The following NSMCE2 variants were observed in gnomAD, a reference collection of about 807,000 sequenced individuals.
The protein encoded by NSMCE2 is E3 SUMO-protein ligase NSE2.
In NSMCE2, 24 loss-of-function variants were observed where a neutral mutation model predicts 23.8. That is an observed-to-expected ratio of 1.01 (90% CI 0.73 to 1.42). NSMCE2 has a LOEUF of 1.42. Among genes scored for constraint, NSMCE2 ranks in the 40% most tolerant of loss-of-function variants. The probability of loss-of-function intolerance (pLI) is 0.00; values close to 1 mark genes in which losing one functional copy is unlikely to be tolerated. For missense variants in NSMCE2, 284 were observed against 296.5 expected (o/e 0.96, Z 0.31); for synonymous variants, 92 against 94.1 (o/e 0.98, Z 0.13).
At chr8:125,151,355 C>A in intron 4 of NSMCE2, 78 bp downstream of exon 4, 1 of 688,232 alleles carries the variant, frequency 1.5e-6, no homozygotes, top group Non-Finnish European at 2.6e-6. Flanking sequence ...AATCAAAATT[C>A]TTCTCTAATC....
chr8:125,160,151 T>C (rs150808634), intron 4 of NSMCE2, among the ~76,000 whole-genome samples: 19 of 152,288 alleles, frequency 1.2e-4, no homozygotes, highest in Non-Finnish European at 1.5e-4. Flanking sequence ...ATTCTGGCTT[T>C]CATGCACTCT....
intron 3 of NSMCE2, among the ~76,000 whole-genome samples, chr8:125,116,345 A>C (rs1819006141): frequency 6.6e-6 from 1 of 152,236 alleles, no homozygotes; most frequent in Non-Finnish European, 1.5e-5. Flanking sequence ...GTGCAATGAC[A>C]ATGACAACAA....
At chr8:125,154,120 C>T (rs953391368) in intron 4 of NSMCE2, among the ~76,000 whole-genome samples, 5 of 152,122 alleles carry the variant, frequency 3.3e-5, no homozygotes, top group East Asian at 3.8e-4. Context: ...TTGCAAATTG[C>T]GATACTTCCG....
chr8:125,126,003 T>A (rs1041084828), intron 3 of NSMCE2, among the ~76,000 whole-genome samples: 5 of 152,114 alleles, frequency 3.3e-5, no homozygotes, highest in African/African-American at 9.7e-5. Flanking sequence ...ATCATCTTAT[T>A]ATACTGCCCT....
intron 5 of NSMCE2, among the ~76,000 whole-genome samples, chr8:125,241,466 T>C (rs1237555674): frequency 1.3e-5 from 2 of 152,216 alleles, no homozygotes; most frequent in Non-Finnish European, 2.9e-5. Context: ...CATCAAGAAA[T>C]TCTCCTTACA....
chr8:125,296,715 A>G (rs761392732), intron 5 of NSMCE2, among the ~76,000 whole-genome samples: 6 of 152,120 alleles, frequency 3.9e-5, no homozygotes, highest in African/African-American at 1.2e-4. Flanking sequence ...AATTTTTAAG[A>G]AAGCTTTTAA....
At chr8:125,323,073 A>G (rs974517159) in intron 5 of NSMCE2, among the ~76,000 whole-genome samples, 4 of 152,234 alleles carry the variant, frequency 2.6e-5, no homozygotes, top group African/African-American at 9.6e-5. Flanking sequence ...AAATATATGT[A>G]TATATGAAAT....
chr8:125,271,355 T>G (rs1827183506), intron 5 of NSMCE2, among the ~76,000 whole-genome samples: 1 of 152,134 alleles, frequency 6.6e-6, no homozygotes, highest in African/African-American at 2.4e-5. Flanking sequence ...GGGGAGGAAT[T>G]AAATTTGAGA....
At chr8:125,331,268 C>G (rs1460172241) in intron 5 of NSMCE2, among the ~76,000 whole-genome samples, 2 of 152,094 alleles carry the variant, frequency 1.3e-5, no homozygotes, top group Non-Finnish European at 2.9e-5. Context: ...CCACTGCACT[C>G]CAGCCTGGGT....
At chr8:125,109,378 G>A (rs1196635804) in intron 3 of NSMCE2, among the ~76,000 whole-genome samples, 1 of 152,186 alleles carries the variant, frequency 6.6e-6, no homozygotes, top group African/African-American at 2.4e-5. Context: ...TTGAGTTTGA[G>A]TTGACCGGTG....
intron 3 of NSMCE2, among the ~76,000 whole-genome samples, chr8:125,126,570 A>G (rs1586472867): frequency 6.6e-6 from 1 of 152,122 alleles, no homozygotes; most frequent in Non-Finnish European, 1.5e-5. Flanking sequence ...GTAGTACCTT[A>G]CTTGATGCAC....
intron 5 of NSMCE2, among the ~76,000 whole-genome samples, chr8:125,301,666 T>A (rs556784566): frequency 6.6e-6 from 1 of 150,434 alleles, no homozygotes; most frequent in African/African-American, 2.4e-5. Flanking sequence ...TTTTTTTTTT[T>A]TTTTTTGAGA....
chr8:125,270,068 T>C (rs1827113041), intron 5 of NSMCE2, among the ~76,000 whole-genome samples: 1 of 152,128 alleles, frequency 6.6e-6, no homozygotes, highest in Non-Finnish European at 1.5e-5. Context: ...TAAGGAGCTA[T>C]AAGAAGAGAG....
chr8:125,102,468 G>C lies in NSMCE2; in HGVS notation c.138G>C (p.Leu46Phe), dbSNP rs1474295687. 19 of 1,613,670 alleles carry C rather than the reference G, an allele frequency of 1.2e-5. No individual in the cohort carries two copies. Among genetic ancestry groups the C allele is most frequent in the Admixed American group, 3.3e-5 (2 of 59,956 alleles). The change falls in exon 3 of 8, where the codon TTG (leucine) becomes TTC (phenylalanine). Residue 46 changes from leucine (L) to phenylalanine (F), a missense_variant. This residue lies in a region of NSMCE2 where 182 missense variants were observed against 155.5 expected (regional missense o/e 1.17). Coordinates refer to ENST00000287437, the MANE Select transcript of NSMCE2 (RefSeq NM_173685.4). ...SGMDTASSVA[L>F]DLVESQTEVS... ...TGGACACAGCTTCTAGTGTTGCTTT[G>C]GATCTTGTGGAAAGTCAGAGTAAGT... is the stretch of plus-strand genomic sequence containing the variant.
chr8:125,150,197 G>GGAGA (rs1820919297), intron 3 of NSMCE2, among the ~76,000 whole-genome samples: 2 of 152,200 alleles, frequency 1.3e-5, no homozygotes, highest in South Asian at 4.1e-4. Flanking sequence ...CAGGCAGCAG[G>GGAGA]GAGAGATTAC....
intron 5 of NSMCE2, among the ~76,000 whole-genome samples, chr8:125,256,053 G>A (rs971973251): frequency 2.0e-5 from 3 of 152,198 alleles, no homozygotes; most frequent in Non-Finnish European, 4.4e-5. Context: ...GGAGGCTGAG[G>A]CAGGTGGATC....
intron 5 of NSMCE2, among the ~76,000 whole-genome samples, chr8:125,295,304 G>A (rs1828278185): frequency 6.6e-6 from 1 of 152,118 alleles, no homozygotes. Flanking sequence ...GGGCTTGGAA[G>A]GTGACAGAGT....
chr8:125,296,119 T>G (rs1158695725), intron 5 of NSMCE2, among the ~76,000 whole-genome samples: 5 of 152,228 alleles, frequency 3.3e-5, no homozygotes, highest in Non-Finnish European at 7.3e-5. Context: ...TATAATAGCC[T>G]TGCATAGATT....
At chr8:125,263,446 A>G (rs1294237192) in intron 5 of NSMCE2, among the ~76,000 whole-genome samples, 2 of 152,140 alleles carry the variant, frequency 1.3e-5, no homozygotes, top group Non-Finnish European at 2.9e-5. Flanking sequence ...TACCATGTTC[A>G]TGCTCTAGAA....
Sources: gnomAD v4.1 joint callset for allele counts (sites outside exome capture counted in the v4.1 genomes callset) on GRCh38, gnomAD v4.1.1 for gene constraint, gnomAD v4.1.1 regional missense constraint, MANE v1.5 for transcripts, NCBI Gene and HGNC (gene_info 2026-07-23, HGNC 2026-07-21) for gene names.